SORCS2: variants seen among roughly 807,000 people sequenced by gnomAD.
The protein encoded by SORCS2 is sortilin related VPS10 domain containing receptor 2.
A neutral mutation model predicts 141.6 loss-of-function variants in SORCS2; 100 were observed. The observed-to-expected ratio is 0.71, with a 90% CI of 0.60 to 0.83. The LOEUF is 0.83. SORCS2 is among the 40% of genes least tolerant of loss of function. The pLI is 0.00. For synonymous variants in SORCS2, 789 were observed against 676.9 expected, an observed-to-expected ratio of 1.17 and a Z score of -2.57; for missense variants, 1,646 against 1,560.2, an observed-to-expected ratio of 1.05 and a Z score of -0.93.
intron 1 of SORCS2, among the ~76,000 whole-genome samples, chr4:7,338,543 C>A (rs1015750000): frequency 6.6e-6 from 1 of 152,064 alleles, no homozygotes; most frequent in Non-Finnish European, 1.5e-5. Flanking sequence ...AAACTGAGGC[C>A]CAGAGGCACC....
chr4:7,419,614 T>G (rs1207775336), intron 2 of SORCS2, among the ~76,000 whole-genome samples: 1 of 152,248 alleles, frequency 6.6e-6, no homozygotes, highest in African/African-American at 2.4e-5. Flanking sequence ...AGCTCATCAG[T>G]TTCTCACTTT....
At position 7,664,204 on chromosome 4, in the gene SORCS2, G is replaced by A. The variant is rs946017998; in HGVS notation, c.953-149G>A. 47 of 607,276 alleles carry A rather than the reference G, an allele frequency of 7.7e-5. No homozygotes were observed. The highest frequency in any genetic ancestry group is 7.4e-4 in the African/African-American group (40 of 53,806). 37.6% of individuals were successfully genotyped at this position (607,276 alleles called of 1,614,324 possible). Reference sequence around the variant, plus strand: ...GTGAGCGAGGATGACACCCTCAGCCGCAGGTGTCATCACGGTGGCCTTTAG... The same window carrying A: ...GTGAGCGAGGATGACACCCTCAGCCACAGGTGTCATCACGGTGGCCTTTAG... On this transcript the variant is annotated intron_variant, in intron 6 of 26. Coordinates refer to ENST00000507866, the MANE Select transcript of SORCS2 (RefSeq NM_020777.3). This position sits in a 1 kb window ranked among gnomAD's most constrained non-coding sequence, Gnocchi z 4.7.
At chr4:7,274,610 A>G (rs932829341) in intron 1 of SORCS2, among the ~76,000 whole-genome samples, 4 of 152,184 alleles carry the variant, frequency 2.6e-5, no homozygotes, top group Non-Finnish European at 4.4e-5. Flanking sequence ...GAATGGCAGC[A>G]ACGGGGAGAT....
intron 2 of SORCS2, among the ~76,000 whole-genome samples, chr4:7,435,472 G>T (rs142677342): frequency 2.6e-5 from 4 of 152,372 alleles, no homozygotes; most frequent in African/African-American, 7.2e-5. Flanking sequence ...TGTTTGGGGA[G>T]TTAGTCTCTT....
At chr4:7,403,999 T>TATA (rs57250297) in intron 2 of SORCS2, among the ~76,000 whole-genome samples, 36 of 7,510 alleles carry the variant, frequency 4.8e-3, no homozygotes, top group African/African-American at 0.011. Context: ...ATATATATAT[T>TATA]TTTTTTTTTT....
At chr4:7,297,398 G>A (rs1717147419) in intron 1 of SORCS2, among the ~76,000 whole-genome samples, 1 of 151,964 alleles carries the variant, frequency 6.6e-6, no homozygotes, top group African/African-American at 2.4e-5. Context: ...TGCTTTTTCT[G>A]CAGGCCCCCG....
intron 1 of SORCS2, among the ~76,000 whole-genome samples, chr4:7,315,249 G>C (rs1209961614): frequency 6.6e-6 from 1 of 152,210 alleles, no homozygotes; most frequent in Non-Finnish European, 1.5e-5. Flanking sequence ...ATGATGGCCA[G>C]GTGGGCCTCC....
At chr4:7,380,939 G>A (rs1186874964) in intron 1 of SORCS2, among the ~76,000 whole-genome samples, 4 of 152,250 alleles carry the variant, frequency 2.6e-5, no homozygotes, top group East Asian at 1.9e-4. Context: ...AAAATTAGCT[G>A]GGTGTGGTGG....
At chr4:7,541,270 C>T (rs1577720136) in intron 3 of SORCS2, among the ~76,000 whole-genome samples, 1 of 152,308 alleles carries the variant, frequency 6.6e-6, no homozygotes, top group Non-Finnish European at 1.5e-5. Context: ...TGCACACAGT[C>T]TCATCCATGG....
At chr4:7,202,182 C>G (rs1332878407) in intron 1 of SORCS2, among the ~76,000 whole-genome samples, 1 of 152,228 alleles carries the variant, frequency 6.6e-6, no homozygotes, top group African/African-American at 2.4e-5. Context: ...AATTTGCTCA[C>G]TGCTGATTGA....
At chr4:7,337,817 C>T (rs1017229480) in intron 1 of SORCS2, among the ~76,000 whole-genome samples, 2 of 152,220 alleles carry the variant, frequency 1.3e-5, no homozygotes, top group Non-Finnish European at 2.9e-5. Flanking sequence ...CTTCCACCTG[C>T]ACCTTCCCCC....
Position 7,665,474 on chromosome 4 carries a change from C to T in SORCS2, c.1071+1003C>T, listed in dbSNP as rs912546899. On this transcript the variant is annotated intron_variant, in intron 7 of 26. Transcript: ENST00000507866. ...TCGTACTGTTCCCTGTGCTGTGCCT[C>T]GCTTCTCCACTGGCTGATTCCTGCT... is the stretch of plus-strand genomic sequence containing the variant. 3.3e-5 allele frequency among the ~76,000 whole-genome samples: 5 copies of T among 152,286 alleles called. No homozygotes were observed. The East Asian group carries it at 5.8e-4, about 18-fold the overall frequency.
intron 1 of SORCS2, among the ~76,000 whole-genome samples, chr4:7,211,909 G>C (rs1315065783): frequency 1.3e-5 from 2 of 152,202 alleles, no homozygotes; most frequent in Admixed American, 6.5e-5. Flanking sequence ...TGCCATAGAA[G>C]TGTTTTTTGT....
At chr4:7,698,130 T>C (rs1018257472) in intron 12 of SORCS2, among the ~76,000 whole-genome samples, 5 of 152,324 alleles carry the variant, frequency 3.3e-5, no homozygotes, top group African/African-American at 1.2e-4. Context: ...ACTGGCTGTT[T>C]CTTTCCAGGG....
rs1721440987 is a variant in SORCS2 at position 7,651,429 on chromosome 4, T to G, written c.814-2705T>G. Among the ~76,000 whole-genome samples the G allele has an allele frequency of 2.0e-5, 3 of 152,132 alleles. No homozygotes were observed. The South Asian group carries it at 6.2e-4, about 32-fold the overall frequency. On this transcript the variant is annotated intron_variant, in intron 4 of 26. Coordinates refer to ENST00000507866, the MANE Select transcript of SORCS2 (RefSeq NM_020777.3). The stretch of plus-strand genomic sequence containing the variant: ...TGTTAAGAGATTGGCCTGGCCACTC[T>G]GGAGAGAGAAGAGGAGGACAGACTG...
intron 14 of SORCS2, among the ~76,000 whole-genome samples, chr4:7,707,233 T>G (rs923335705): frequency 7.2e-5 from 11 of 152,162 alleles, no homozygotes; most frequent in Non-Finnish European, 1.5e-4. Context: ...CCAGGAGTGT[T>G]GGCAACACAG....
rs761694977 is a variant in SORCS2 at position 7,434,819 on chromosome 4, A to G, written c.548+38464A>G. The G allele has an allele frequency of 5.0e-6, 8 of 1,603,418 alleles. No homozygotes were observed. In the South Asian group the frequency reaches 9.0e-5, roughly 18 times the overall value. ...CCCTTTGCACACTCCTGGGGGCCTG[A>G]GGTGGGGCTGGCCCTGGTGGCCCCC... On this transcript the variant is annotated intron_variant, in intron 2 of 26. Coordinates refer to ENST00000507866, the MANE Select transcript of SORCS2 (RefSeq NM_020777.3).
At chr4:7,389,020 C>T (rs13116179) in intron 1 of SORCS2, among the ~76,000 whole-genome samples, 41,837 of 152,070 alleles carry the variant, frequency 0.28, 6,287 homozygotes, top group East Asian at 0.54. Flanking sequence ...CACATGGGCT[C>T]GTGCTTAACT....
At chr4:7,655,621 C>A (rs1242450476) in intron 5 of SORCS2, among the ~76,000 whole-genome samples, 1 of 152,244 alleles carries the variant, frequency 6.6e-6, no homozygotes, top group East Asian at 1.9e-4. Context: ...GAGGCGACGG[C>A]CGTCTGTCTG....
Sources: gnomAD v4.1 joint callset for allele counts (sites outside exome capture counted in the v4.1 genomes callset) on GRCh38, gnomAD v4.1.1 for gene constraint, Gnocchi (gnomAD v3.1) non-coding constraint, MANE v1.5 for transcripts, NCBI Gene and HGNC (gene_info 2026-07-23, HGNC 2026-07-21) for gene names.